The following GRIN2B variants were observed in gnomAD, a reference collection of about 807,000 sequenced individuals.
The protein encoded by GRIN2B is glutamate receptor ionotropic, NMDA 2B.
GRIN2B carries 5 observed loss-of-function variants against 114.5 expected under a neutral mutation model. The observed-to-expected ratio is 0.04, with a 90% CI of 0.02 to 0.09. The LOEUF is 0.09. Among genes scored for constraint, GRIN2B ranks in the 10% least tolerant of loss-of-function variants. GRIN2B has a pLI of 1.00. For missense variants in GRIN2B, 1,108 were observed against 1,943.5 expected, an observed-to-expected ratio of 0.57 and a Z score of 8.08; for synonymous variants, 787 against 745.1, an observed-to-expected ratio of 1.06 and a Z score of -0.92.
rs555908497 is a variant in GRIN2B at position 13,972,768 on chromosome 12, C to T, written c.-19+7160G>A. ...ACGTAACCTCCAAGGTGACTGTCAG[C>T]ATTATTGTTCTATTATCCTGTGCCA... On this transcript the variant is annotated intron_variant, in intron 2 of 13. Transcript: ENST00000609686. Among the ~76,000 whole-genome samples, 4 of 152,332 alleles carry T rather than the reference C, an allele frequency of 2.6e-5. No individual in the cohort carries two copies. The South Asian group carries it at 8.3e-4, about 32-fold the overall frequency.
At chr12:13,703,861 G>A (rs1430613893) in intron 4 of GRIN2B, among the ~76,000 whole-genome samples, 1 of 152,132 alleles carries the variant, frequency 6.6e-6, no homozygotes, top group Non-Finnish European at 1.5e-5. Flanking sequence ...TACAGCAAAT[G>A]TAATCTCACA....
At chr12:13,958,071 T>C (rs529033180) in intron 2 of GRIN2B, among the ~76,000 whole-genome samples, 72 of 152,164 alleles carry the variant, frequency 4.7e-4, no homozygotes, top group South Asian at 1.7e-3. Context: ...GAAAGTTTTA[T>C]TGGACAGCGC....
chr12:13,866,487 C>CA (rs1367518099), intron 2 of GRIN2B, among the ~76,000 whole-genome samples: 1 of 152,084 alleles, frequency 6.6e-6, no homozygotes, highest in African/African-American at 2.4e-5. Context: ...CAGGCAGAGA[C>CA]AAAGGAGGAA....
rs565131499 is a variant in GRIN2B at position 13,543,796 on chromosome 12, A to G, written c.*18987T>C. 1.4e-4 allele frequency: 21 copies of G among 152,166 alleles called. No individual in the cohort carries two copies. Among genetic ancestry groups the G allele is most frequent in the Admixed American group, 1.2e-3 (19 of 15,282 alleles). The allele number at this position is 152,166 out of a possible 1,614,324, so 9.4% of individuals were successfully genotyped here. Reference sequence around the variant, plus strand: ...TCCTTTCATAGTTTACTAAAAATCAATCAGAAAAAGCATACTCCCATTATC... The same window carrying G: ...TCCTTTCATAGTTTACTAAAAATCAGTCAGAAAAAGCATACTCCCATTATC... On this transcript the variant is annotated 3_prime_UTR_variant, in exon 14 of 14. Transcript: ENST00000609686.
rs191657745 is a variant in GRIN2B at position 13,790,345 on chromosome 12, C to T, written c.412-36430G>A. 1.7e-4 allele frequency among the ~76,000 whole-genome samples: 26 copies of T among 152,278 alleles called. No individual in the cohort carries two copies. The East Asian group carries it at 5.0e-3, about 29-fold the overall frequency. On this transcript the variant is annotated intron_variant, in intron 3 of 13. Transcript: ENST00000609686. Reference sequence around the variant, plus strand: ...TCCTGGCTCTTCAGACTTTCCTGTCCCACACATCCCCAAACCCTTCCAATC... The same window carrying T: ...TCCTGGCTCTTCAGACTTTCCTGTCTCACACATCCCCAAACCCTTCCAATC...
intron 3 of GRIN2B, among the ~76,000 whole-genome samples, chr12:13,842,775 G>A (rs2136716721): frequency 6.6e-6 from 1 of 152,116 alleles, no homozygotes; most frequent in Admixed American, 6.5e-5. Flanking sequence ...GTGAAGTGAT[G>A]GCAAAATTAA....
intron 3 of GRIN2B, among the ~76,000 whole-genome samples, chr12:13,845,101 A>C (rs1332370657): frequency 6.6e-6 from 1 of 152,138 alleles, no homozygotes; most frequent in Non-Finnish European, 1.5e-5. Flanking sequence ...ATTTGGAGGA[A>C]ATAAAAGAAC....
chr12:13,626,152 G>A (rs1018891592), intron 5 of GRIN2B, among the ~76,000 whole-genome samples: 3 of 152,092 alleles, frequency 2.0e-5, no homozygotes, highest in African/African-American at 7.2e-5. Context: ...CTCCAATGAA[G>A]ACCTGTCTTC....
intron 2 of GRIN2B, among the ~76,000 whole-genome samples, chr12:13,875,991 G>A (rs1203553578): frequency 6.6e-6 from 1 of 152,194 alleles, no homozygotes; most frequent in Non-Finnish European, 1.5e-5. Context: ...TCATGTGAGA[G>A]GGCTGTGACA....
At chr12:13,691,570 A>G (rs1950215298) in intron 4 of GRIN2B, among the ~76,000 whole-genome samples, 1 of 152,168 alleles carries the variant, frequency 6.6e-6, no homozygotes, top group African/African-American at 2.4e-5. Context: ...AGTCATTACC[A>G]GGTTGCTTTG....
intron 4 of GRIN2B, among the ~76,000 whole-genome samples, chr12:13,689,396 G>C (rs1201326357): frequency 6.6e-6 from 1 of 152,096 alleles, no homozygotes; most frequent in African/African-American, 2.4e-5. Flanking sequence ...TATTCCTTTA[G>C]TCTTGAAATC....
chr12:13,943,898 C>A (rs1057204482), intron 2 of GRIN2B, among the ~76,000 whole-genome samples: 2 of 152,152 alleles, frequency 1.3e-5, no homozygotes, highest in East Asian at 1.9e-4. Context: ...CTTCAGGAGG[C>A]AGTGACCTGG....
intron 2 of GRIN2B, among the ~76,000 whole-genome samples, chr12:13,944,424 TCTACTTGAGACG>T (rs1253781632): frequency 6.6e-6 from 1 of 152,192 alleles, no homozygotes; most frequent in Non-Finnish European, 1.5e-5. Context: ...TGTGTGTACG[TCTACTTGAGACG>T]CTTCTCCCAG....
chr12:13,978,311 A>G (rs1863065650), intron 2 of GRIN2B, among the ~76,000 whole-genome samples: 1 of 152,226 alleles, frequency 6.6e-6, no homozygotes, highest in African/African-American at 2.4e-5. Flanking sequence ...AGCACACACC[A>G]GATAACCTCA....
intron 2 of GRIN2B, among the ~76,000 whole-genome samples, chr12:13,912,864 C>T (rs1866647899): frequency 6.6e-6 from 1 of 152,024 alleles, no homozygotes; most frequent in African/African-American, 2.4e-5. Context: ...GGTCAGGATG[C>T]ACATAAAAAA....
At chr12:13,939,112 A>G (rs1243974502) in intron 2 of GRIN2B, among the ~76,000 whole-genome samples, 1 of 152,172 alleles carries the variant, frequency 6.6e-6, no homozygotes, top group African/African-American at 2.4e-5. Flanking sequence ...TATCATTATT[A>G]TTGTTACTAA....
Position 13,558,566 on chromosome 12 carries a change from T to G in GRIN2B, c.*4217A>C, listed in dbSNP as rs1284927902. ...TGCAGAGAATTCTCCCTTGGGCAAC[T>G]CCTGATGGCCACGGAAGACCGGGTG... is the stretch of plus-strand genomic sequence containing the variant. On this transcript the variant is annotated 3_prime_UTR_variant, in exon 14 of 14. Transcript: ENST00000609686. The G allele has an allele frequency of 1.3e-5, 2 of 151,964 alleles. No individual in the cohort carries two copies. Among genetic ancestry groups the G allele is most frequent in the African/African-American group, 4.8e-5 (2 of 41,362 alleles). 9.4% of individuals were successfully genotyped at this position (151,964 alleles called of 1,614,324 possible). A position where few individuals can be genotyped will look rare whatever the true frequency, so the allele number is the denominator to read the frequency against.
intron 3 of GRIN2B, among the ~76,000 whole-genome samples, chr12:13,810,512 A>G (rs2136683492): frequency 6.6e-6 from 1 of 152,224 alleles, no homozygotes; most frequent in South Asian, 2.1e-4. Context: ...AGTTTTGTGA[A>G]TATGCTCATG....
intron 5 of GRIN2B, among the ~76,000 whole-genome samples, chr12:13,647,052 A>G (rs533245324): frequency 6.6e-6 from 1 of 152,208 alleles, no homozygotes; most frequent in East Asian, 1.9e-4. Context: ...GACACTTAGA[A>G]GTAGCATCTT....
Sources: gnomAD v4.1 joint callset for allele counts (sites outside exome capture counted in the v4.1 genomes callset) on GRCh38, gnomAD v4.1.1 for gene constraint, MANE v1.5 for transcripts, NCBI Gene and HGNC (gene_info 2026-07-23, HGNC 2026-07-21) for gene names.